The following BLK variants were observed in gnomAD, a reference collection of about 807,000 sequenced individuals.
BLK encodes the protein BLK proto-oncogene, Src family tyrosine kinase.
A neutral mutation model predicts 61.8 loss-of-function variants in BLK; 64 were observed. The observed-to-expected ratio is 1.03, with a 90% CI of 0.85 to 1.27. The LOEUF (loss-of-function observed/expected upper bound fraction) is 1.27, where lower values mean the gene tolerates loss of function less well. Ranked by LOEUF, BLK falls within the 50% of genes most tolerant of loss-of-function variation. The pLI, the probability that BLK is intolerant of heterozygous loss-of-function variation, is 0.00. For missense variants in BLK, 853 were observed against 660.5 expected (o/e 1.29, Z -3.19); for synonymous variants, 351 against 272.0 (o/e 1.29, Z -2.86).
At chr8:11,531,736 T>C (rs2117381159) in intron 1 of BLK, among the ~76,000 whole-genome samples, 1 of 152,250 alleles carries the variant, frequency 6.6e-6, no homozygotes, top group Non-Finnish European at 1.5e-5. Context: ...TGCTCTGTTG[T>C]TTATGTTCAC....
At chr8:11,505,116 A>G (rs1798720344) in intron 1 of BLK, among the ~76,000 whole-genome samples, 2 of 152,204 alleles carry the variant, frequency 1.3e-5, no homozygotes, top group South Asian at 2.1e-4. Flanking sequence ...AGGCACACAT[A>G]CAGGTACATC....
chr8:11,552,917 T>TGCACATATGCACAAATGC (rs1237128309), intron 6 of BLK: 1 of 152,954 alleles, frequency 6.5e-6, no homozygotes, highest in African/African-American at 2.4e-5. Context: ...TGAACACACA[T>TGCACATATGCACAAATGC]GCACATATGC....
Position 11,508,251 on chromosome 8 carries a change from CA to C in BLK, c.-2+13661del, listed in dbSNP as rs143684979. On this transcript the variant is annotated intron_variant, in intron 1 of 12. Coordinates refer to ENST00000259089, the MANE Select transcript of BLK (RefSeq NM_001715.3). ...CGTGTCACGGCGCGAAGGCTAAGCACATGCTGGGAAATCACCCGTGGCTTGC... is the reference window on the plus strand; with the variant it reads ...CGTGTCACGGCGCGAAGGCTAAGCACTGCTGGGAAATCACCCGTGGCTTGC... Among the ~76,000 whole-genome samples, 855 of 152,372 alleles carry C rather than the reference CA, an allele frequency of 5.6e-3. 5 individuals carry two copies. The highest frequency in any genetic ancestry group is 0.019 in the African/African-American group (806 of 41,586).
Position 11,550,206 on chromosome 8 carries a change from T to G in BLK, c.416T>G (p.Leu139Arg), listed in dbSNP as rs756761426. Residue 139 changes from leucine (L) to arginine (R), a missense_variant, in exon 6 of 13, where the codon CTT (leucine) becomes CGT (arginine). Transcript: ENST00000259089. ...CGGAAGGAGGCTGAGAGGCAGCTTCTTGCTCCAATCAACAAGGCCGGCTCC... is the reference window on the plus strand; with the variant it reads ...CGGAAGGAGGCTGAGAGGCAGCTTCGTGCTCCAATCAACAAGGCCGGCTCC... ...QGRKEAERQL[L>R]APINKAGSFL... The G allele has an allele frequency of 1.2e-6, 2 of 1,614,160 alleles. No homozygotes were observed. Among genetic ancestry groups the G allele is most frequent in the East Asian group, 4.5e-5 (2 of 44,884 alleles).
chr8:11,558,217 C>G (rs1317870177), intron 10 of BLK, among the ~76,000 whole-genome samples, 179 bp downstream of exon 10: 2 of 152,226 alleles, frequency 1.3e-5, no homozygotes, highest in Non-Finnish European at 2.9e-5. Flanking sequence ...CTTGCAAACC[C>G]TGGCCACTGT....
At chr8:11,527,094 C>T (rs1375874265) in intron 1 of BLK, among the ~76,000 whole-genome samples, 2 of 152,158 alleles carry the variant, frequency 1.3e-5, no homozygotes, top group African/African-American at 4.8e-5. Flanking sequence ...TACGTGCATG[C>T]TCGCAAGGGG....
intron 9 of BLK, 38 bp from the exon 10 acceptor site, chr8:11,557,924 A>C: frequency 6.2e-7 from 1 of 1,603,518 alleles, no homozygotes; most frequent in Non-Finnish European, 8.5e-7. Flanking sequence ...GGGGCGGGTC[A>C]CTTTGCAGAA....
chr8:11,495,428 T>C (rs1276307726), intron 1 of BLK, among the ~76,000 whole-genome samples: 5 of 152,168 alleles, frequency 3.3e-5, no homozygotes, highest in Admixed American at 2.0e-4. Flanking sequence ...GGAGAAATAG[T>C]AGCTCTGTAG....
chr8:11,547,985 C>T lies in BLK; in HGVS notation c.176-47C>T, dbSNP rs976365880. ...CCAGGCTCACCCCAGCCCCACCTTC[C>T]CGCTTGTGGGCCTGAGTGGTGGTCA... On this transcript the variant is annotated intron_variant, in intron 3 of 12. Transcript: ENST00000259089. 3.9e-6 allele frequency: 6 copies of T among 1,533,864 alleles called. No homozygotes were observed. In the African/African-American group the frequency reaches 8.2e-5, roughly 21 times the overall value.
intron 2 of BLK, chr8:11,545,806 T>C (rs976032320): frequency 2.5e-5 from 14 of 563,496 alleles, no homozygotes; most frequent in African/African-American, 1.9e-4. Context: ...CACAGCTGTC[T>C]CATATCCACA....
intron 1 of BLK, among the ~76,000 whole-genome samples, chr8:11,515,492 C>A (rs1172405519): frequency 6.6e-6 from 1 of 152,152 alleles, no homozygotes; most frequent in African/African-American, 2.4e-5. Flanking sequence ...GTCCTCCCTG[C>A]TCCCCTTTAA....
chr8:11,560,816 C>T (rs941542291), intron 10 of BLK: 5 of 457,250 alleles, frequency 1.1e-5, no homozygotes, highest in Admixed American at 7.0e-5. Flanking sequence ...TGTTCCATGT[C>T]AGGACTGTGG....
chr8:11,560,697 G>C (rs1346472797), intron 10 of BLK: 1 of 369,854 alleles, frequency 2.7e-6, no homozygotes, highest in Admixed American at 3.2e-5. Flanking sequence ...GGATCTGCCA[G>C]TGCTCCCTGG....
At chr8:11,515,471 G>C (rs73663154) in intron 1 of BLK, among the ~76,000 whole-genome samples, 9,285 of 152,136 alleles carry the variant, frequency 0.061, 781 homozygotes, top group African/African-American at 0.19. Context: ...GTAAGCAGCC[G>C]GCGCACAGGG....
chr8:11,543,123 C>G, intron 1 of BLK, 101 bp from the exon 2 acceptor site: 1 of 1,590,600 alleles, frequency 6.3e-7, no homozygotes, highest in Non-Finnish European at 8.6e-7. Context: ...TCCACCCCAC[C>G]TTTCTAACCA....
chr8:11,512,077 C>A lies in BLK; in HGVS notation c.-2+17486C>A, dbSNP rs529312674. 6.4e-4 allele frequency among the ~76,000 whole-genome samples: 97 copies of A among 152,240 alleles called. 1 individual carries two copies. Among genetic ancestry groups the A allele is most frequent in the South Asian group, 5.4e-3 (26 of 4,820 alleles). On this transcript the variant is annotated intron_variant, in intron 1 of 12. Coordinates refer to ENST00000259089, the MANE Select transcript of BLK (RefSeq NM_001715.3). Reference sequence around the variant, plus strand: ...TGGGGCCTGAAAATACAAAGATAAACAACCAAACAAACAAAATGGCTTTTC... The same window carrying A: ...TGGGGCCTGAAAATACAAAGATAAAAAACCAAACAAACAAAATGGCTTTTC...
In BLK at chr8:11,563,098, G is replaced by A. The variant is rs376956553; in HGVS notation, c.1300G>A (p.Val434Met). Residue 434 changes from valine (V) to methionine (M), a missense_variant, in exon 12 of 13, where the codon GTG (valine) becomes ATG (methionine). Val to Met is a conservative substitution (Grantham distance 21, BLOSUM62 1). Transcript: ENST00000259089. ...GATGGAAGTTGTCACTTATGGGCGGGTGCCATACCCAGGTAGGTGGCTCAC... is the reference window on the plus strand; with the variant it reads ...GATGGAAGTTGTCACTTATGGGCGGATGCCATACCCAGGTAGGTGGCTCAC... ...LLMEVVTYGRVPYPGMSNPEV... is the reference protein window; with the variant it reads ...LLMEVVTYGRMPYPGMSNPEV... 35 of 1,613,674 alleles carry A rather than the reference G, an allele frequency of 2.2e-5. No homozygotes were observed. Among genetic ancestry groups the A allele is most frequent in the Admixed American group, 3.3e-5 (2 of 60,010 alleles).
intron 1 of BLK, among the ~76,000 whole-genome samples, chr8:11,542,698 G>A (rs902532531): frequency 1.2e-4 from 18 of 152,186 alleles, no homozygotes; most frequent in Admixed American, 3.3e-4. Flanking sequence ...CGATGCCTGT[G>A]CTATCAATCT....
intron 1 of BLK, among the ~76,000 whole-genome samples, chr8:11,533,492 C>T (rs182200476): frequency 5.4e-4 from 82 of 152,022 alleles, no homozygotes; most frequent in African/African-American, 1.8e-3. Flanking sequence ...GGGTAAGATA[C>T]GTGTGAACCT....
Sources: allele counts gnomAD v4.1 joint callset (sites outside exome capture counted in the v4.1 genomes callset), GRCh38; gene constraint gnomAD v4.1.1; transcripts MANE v1.5; gene names NCBI Gene and HGNC (gene_info 2026-07-23, HGNC 2026-07-21).